The following PCSK6 variants were observed in gnomAD, a reference collection of about 807,000 sequenced individuals.
PCSK6 encodes the protein proprotein convertase subtilisin/kexin type 6.
In PCSK6, 85 loss-of-function variants were observed where a neutral mutation model predicts 123.3. The observed-to-expected ratio is 0.69, with a 90% CI of 0.58 to 0.83. The LOEUF (loss-of-function observed/expected upper bound fraction) is 0.83, where lower values mean the gene tolerates loss of function less well. Ranked by LOEUF, PCSK6 falls within the 40% of genes least tolerant of loss-of-function variation. PCSK6 has a pLI of 0.00. For synonymous variants in PCSK6, 508 were observed against 516.0 expected (o/e 0.98, Z 0.21); for missense variants, 1,191 against 1,282.3 (o/e 0.93, Z 1.09).
intron 18 of PCSK6, among the ~76,000 whole-genome samples, chr15:101,321,727 TCAC>T (rs1218359360): frequency 1.3e-5 from 2 of 152,252 alleles, no homozygotes; most frequent in Admixed American, 6.5e-5. Flanking sequence ...CGCAGCATCC[TCAC>T]CACTGCCAGC....
intron 1 of PCSK6, among the ~76,000 whole-genome samples, chr15:101,483,919 C>T (rs1476305697): frequency 2.0e-5 from 3 of 152,218 alleles, no homozygotes; most frequent in Non-Finnish European, 4.4e-5. Context: ...CAGCGGTGGG[C>T]TTCAGATGGT....
intron 1 of PCSK6, among the ~76,000 whole-genome samples, chr15:101,450,357 G>A (rs543035890): frequency 2.6e-5 from 4 of 152,116 alleles, no homozygotes; most frequent in East Asian, 3.9e-4. Flanking sequence ...CTCACACACC[G>A]TTTCACACCC....
chr15:101,428,019 G>C (rs1176869842), intron 5 of PCSK6, 39 bp from the exon 6 acceptor site: 3 of 1,501,718 alleles, frequency 2.0e-6, no homozygotes, highest in Non-Finnish European at 2.7e-6. Context: ...ACGCAGCCCA[G>C]CAAGTTTCAG....
chr15:101,401,601 C>G (rs925658697), intron 6 of PCSK6, among the ~76,000 whole-genome samples: 1 of 151,978 alleles, frequency 6.6e-6, no homozygotes, highest in African/African-American at 2.4e-5. Flanking sequence ...TCAACTGTGA[C>G]CAGGTAGTGA....
Position 101,305,671 on chromosome 15 carries a change from G to A in PCSK6, c.2813-316C>T, listed in dbSNP as rs923502767. On this transcript the variant is annotated intron_variant, in intron 21 of 21. Transcript: ENST00000611716. The surrounding 1 kb of genome is among the most constrained non-coding windows in gnomAD (Gnocchi z 4.8). Reference sequence around the variant, plus strand: ...TGCAGTGAGCTGAGATCATGCCACTGCACTCCAGCCTGGGCAAGAAGAACA... The same window carrying A: ...TGCAGTGAGCTGAGATCATGCCACTACACTCCAGCCTGGGCAAGAAGAACA... 1 of 238,082 alleles carries A rather than the reference G, an allele frequency of 4.2e-6. No homozygotes were observed. The highest frequency in any genetic ancestry group is 7.6e-5 in the South Asian group (1 of 13,104). The allele number at this position is 238,082 out of a possible 1,614,324, so 14.7% of individuals were successfully genotyped here.
At position 101,395,783 on chromosome 15, in the gene PCSK6, G is replaced by A. The variant is rs141402095; in HGVS notation, c.997-2359C>T. Among the ~76,000 whole-genome samples the A allele has an allele frequency of 2.2e-3, 342 of 152,244 alleles. 2 individuals are homozygous for A. The highest frequency in any genetic ancestry group is 7.8e-3 in the African/African-American group (322 of 41,534). The stretch of plus-strand genomic sequence containing the variant: ...TTCATTTCATGAGCTCAGAAGCACC[G>A]CGACTGAGGGCCAGCAAACACCGGC... On this transcript the variant is annotated intron_variant, in intron 7 of 21. Coordinates refer to ENST00000611716, the MANE Select transcript of PCSK6 (RefSeq NM_002570.5).
chr15:101,318,350 C>T lies in PCSK6; in HGVS notation c.2538G>A (p.Gly846=). ...AGGTTCCGCAGGTGTGATGGCATTC[C>T]CCACATCTGATCAGCTCTGAGTCAA... ...TYFDSELIRC[G]ECHHTCGTCV... Residue 846 remains glycine, a synonymous_variant, in exon 19 of 22, where the codon GGG becomes GGA. Transcript: ENST00000611716. 6.4e-7 allele frequency: 1 copy of T among 1,564,474 alleles called. No homozygotes were observed. The highest frequency in any genetic ancestry group is 8.7e-7 in the Non-Finnish European group (1 of 1,154,488).
At chr15:101,327,274 T>C (rs1049219037) in intron 15 of PCSK6, among the ~76,000 whole-genome samples, 1 of 152,126 alleles carries the variant, frequency 6.6e-6, no homozygotes, top group African/African-American at 2.4e-5. Flanking sequence ...GCAGGCGAGC[T>C]GAGTAGACGC....
chr15:101,359,991 T>C lies in PCSK6; in HGVS notation c.1858+6205A>G, dbSNP rs80010025. Among the ~76,000 whole-genome samples the C allele has an allele frequency of 9.8e-3, 1,495 of 152,226 alleles. 26 individuals carry two copies. The highest frequency in any genetic ancestry group is 0.034 in the African/African-American group (1,425 of 41,540). ...AGCTCCTGATCTTCTCTCCAGCATCTTCCCCCCCTGCAATGTTCCAGATCT... is the reference window on the plus strand; with the variant it reads ...AGCTCCTGATCTTCTCTCCAGCATCCTCCCCCCCTGCAATGTTCCAGATCT... On this transcript the variant is annotated intron_variant, in intron 13 of 21. Coordinates refer to ENST00000611716, the MANE Select transcript of PCSK6 (RefSeq NM_002570.5).
intron 13 of PCSK6, among the ~76,000 whole-genome samples, chr15:101,345,769 G>T (rs918402502): frequency 6.6e-6 from 1 of 152,346 alleles, no homozygotes; most frequent in African/African-American, 2.4e-5. Flanking sequence ...CCGGGTTCAA[G>T]TGATTCTCCT....
At chr15:101,419,837 TG>T (rs766273408) in intron 6 of PCSK6, among the ~76,000 whole-genome samples, 1 of 151,912 alleles carries the variant, frequency 6.6e-6, no homozygotes, top group East Asian at 1.9e-4. Context: ...AATATTGATT[TG>T]GGGGGATCTC....
chr15:101,368,638 G>C (rs1475222976), intron 12 of PCSK6, among the ~76,000 whole-genome samples: 1 of 152,112 alleles, frequency 6.6e-6, no homozygotes, highest in Non-Finnish European at 1.5e-5. Flanking sequence ...ACCCAGCTCT[G>C]GCTCTGAGTC....
chr15:101,368,933 G>A (rs1169577526), intron 12 of PCSK6, among the ~76,000 whole-genome samples: 6 of 152,214 alleles, frequency 3.9e-5, no homozygotes, highest in Non-Finnish European at 5.9e-5. Flanking sequence ...CAGCTCGTCC[G>A]CTGACACCGA....
intron 6 of PCSK6, among the ~76,000 whole-genome samples, chr15:101,406,091 A>C (rs1017645576): frequency 6.6e-6 from 1 of 152,172 alleles, no homozygotes; most frequent in African/African-American, 2.4e-5. Flanking sequence ...GGTTTGTATA[A>C]GGCAAGGTGA....
At chr15:101,367,911 G>A (rs2101172) in intron 12 of PCSK6, among the ~76,000 whole-genome samples, 44,517 of 152,018 alleles carry the variant, frequency 0.29, 6,856 homozygotes, top group Admixed American at 0.43. Flanking sequence ...TGCAACCTCC[G>A]CCTCCTGGGT....
intron 9 of PCSK6, among the ~76,000 whole-genome samples, chr15:101,386,272 C>G (rs186963149): frequency 1.3e-5 from 2 of 152,274 alleles, no homozygotes; most frequent in East Asian, 3.9e-4. Context: ...AGCTGAAGTA[C>G]CCAGCTGCCC....
intron 6 of PCSK6, among the ~76,000 whole-genome samples, chr15:101,411,743 C>T (rs1356011065): frequency 1.3e-5 from 2 of 152,178 alleles, no homozygotes; most frequent in East Asian, 1.9e-4. Context: ...GCCTGAGTGG[C>T]GAGCCTAGAC....
At chr15:101,486,414 T>C (rs1017244098) in intron 1 of PCSK6, among the ~76,000 whole-genome samples, 1 of 152,246 alleles carries the variant, frequency 6.6e-6, no homozygotes, top group Non-Finnish European at 1.5e-5. Context: ...CAGGTGGCTG[T>C]TGCTGATCAA....
chr15:101,418,616 G>T (rs113354789), intron 6 of PCSK6, among the ~76,000 whole-genome samples: 2 of 151,316 alleles, frequency 1.3e-5, no homozygotes, highest in South Asian at 4.2e-4. Flanking sequence ...AGGTTCAAGC[G>T]ATTCTCCTGC....
Sources: gnomAD v4.1 joint callset for allele counts (sites outside exome capture counted in the v4.1 genomes callset) on GRCh38, gnomAD v4.1.1 for gene constraint, Gnocchi (gnomAD v3.1) non-coding constraint, MANE v1.5 for transcripts, NCBI Gene and HGNC (gene_info 2026-07-23, HGNC 2026-07-21) for gene names.